The following CDH10 variants were observed in gnomAD, a reference collection of about 807,000 sequenced individuals.
The protein encoded by CDH10 is cadherin 10, also known as cadherin-10.
CDH10 carries 30 observed loss-of-function variants against 73.1 expected under a neutral mutation model. The ratio of observed to expected loss-of-function variants is 0.41; its 90% CI spans 0.31 to 0.56. The LOEUF is 0.56. Ranked by LOEUF, CDH10 falls within the 20% of genes least tolerant of loss-of-function variation. The probability of loss-of-function intolerance (pLI) is 0.27; values close to 1 mark genes in which losing one functional copy is unlikely to be tolerated. For synonymous variants in CDH10, 345 were observed against 348.2 expected (o/e 0.99, Z 0.10); for missense variants, 815 against 973.7 (o/e 0.84, Z 2.17).
At chr5:24,557,699 C>G (rs1744817316) in intron 2 of CDH10, among the ~76,000 whole-genome samples, 1 of 151,800 alleles carries the variant, frequency 6.6e-6, no homozygotes, top group Non-Finnish European at 1.5e-5. Flanking sequence ...CAGTAAGCAT[C>G]TGTGTCTAAT....
chr5:24,592,680 A>C (rs1442190220), intron 2 of CDH10, among the ~76,000 whole-genome samples: 2 of 151,778 alleles, frequency 1.3e-5, no homozygotes, highest in Admixed American at 6.6e-5. Context: ...TAGCTAAACT[A>C]TTTTTACTTG....
At chr5:24,604,946 T>G (rs973862640) in intron 1 of CDH10, among the ~76,000 whole-genome samples, 1 of 151,152 alleles carries the variant, frequency 6.6e-6, no homozygotes, top group Non-Finnish European at 1.5e-5. Context: ...AGAAAATAAT[T>G]GAAAATGTGT....
chr5:24,492,404 C>T (rs1416458052), intron 10 of CDH10, among the ~76,000 whole-genome samples: 1 of 152,202 alleles, frequency 6.6e-6, no homozygotes, highest in African/African-American at 2.4e-5. Flanking sequence ...AATCACCTCA[C>T]AGGCTACTTC....
chr5:24,610,666 C>A (rs1054485247), intron 1 of CDH10, among the ~76,000 whole-genome samples: 8 of 152,058 alleles, frequency 5.3e-5, no homozygotes, highest in African/African-American at 1.7e-4. Flanking sequence ...TATTTCCTGG[C>A]AATATTCTCA....
At chr5:24,602,412 A>T (rs947031688) in intron 1 of CDH10, among the ~76,000 whole-genome samples, 1 of 152,138 alleles carries the variant, frequency 6.6e-6, no homozygotes, top group African/African-American at 2.4e-5. Flanking sequence ...TTTAATTGCA[A>T]AATAGTAGGT....
At chr5:24,624,308 T>G (rs10044966) in intron 1 of CDH10, among the ~76,000 whole-genome samples, 1,583 of 152,250 alleles carry the variant, frequency 0.01, 28 homozygotes, top group African/African-American at 0.035. Context: ...TTTTCATCTA[T>G]TTTATATATG....
At chr5:24,569,975 G>A (rs765998949) in intron 2 of CDH10, among the ~76,000 whole-genome samples, 10 of 151,824 alleles carry the variant, frequency 6.6e-5, no homozygotes, top group Non-Finnish European at 1.2e-4. Flanking sequence ...CATATTGGAC[G>A]GGCTGTTCTC....
chr5:24,554,113 G>T lies in CDH10; in HGVS notation c.232-16439C>A, dbSNP rs142395480. The T allele has an allele frequency of 2.2e-3, 4 of 1,800 alleles. 2 individuals carry two copies. The Admixed American group carries it at 0.038, about 17-fold the overall frequency. 0.1% of individuals were successfully genotyped at this position (1,800 alleles called of 1,614,324 possible). ...AGAGAGAGAGAAGGGGAGGTGGGCG[G>T]GGGGGGGAGAGAGAGAGACATTCAA... On this transcript the variant is annotated intron_variant, in intron 2 of 11. Transcript: ENST00000264463.
At chr5:24,623,703 G>T (rs190813620) in intron 1 of CDH10, among the ~76,000 whole-genome samples, 2 of 152,290 alleles carry the variant, frequency 1.3e-5, no homozygotes, top group Admixed American at 1.3e-4. Context: ...TTACCTTGCA[G>T]AAAAGGAATG....
chr5:24,625,707 T>C (rs904903718), intron 1 of CDH10, among the ~76,000 whole-genome samples: 2 of 151,428 alleles, frequency 1.3e-5, no homozygotes. Context: ...GTGTACAGTT[T>C]AGATTTTGGT....
chr5:24,500,927 AT>A (rs113877927), intron 8 of CDH10, among the ~76,000 whole-genome samples: 37,630 of 151,926 alleles, frequency 0.25, 5,282 homozygotes, highest in African/African-American at 0.38. Flanking sequence ...AGGAGGGAAA[AT>A]AAAAAGGAGA....
intron 1 of CDH10, among the ~76,000 whole-genome samples, chr5:24,597,585 T>C (rs1298463441): frequency 6.6e-6 from 1 of 152,094 alleles, no homozygotes; most frequent in African/African-American, 2.4e-5. Flanking sequence ...GGATAGCAAT[T>C]TTTCTCTTAA....
At chr5:24,546,116 T>C (rs570037582) in intron 2 of CDH10, among the ~76,000 whole-genome samples, 1 of 152,228 alleles carries the variant, frequency 6.6e-6, no homozygotes, top group East Asian at 1.9e-4. Flanking sequence ...ATTTATTTGA[T>C]TTTTGAGACA....
intron 2 of CDH10, among the ~76,000 whole-genome samples, chr5:24,538,321 A>G (rs898120189): frequency 1.3e-5 from 2 of 152,164 alleles, no homozygotes; most frequent in Non-Finnish European, 2.9e-5. Context: ...ACTATAAAAT[A>G]AAATATGTTC....
At position 24,593,302 on chromosome 5, in the gene CDH10, T is replaced by C. The variant is rs759380232; in HGVS notation, c.189A>G (p.Leu63=). 40 of 1,611,918 alleles carry C rather than the reference T, an allele frequency of 2.5e-5. No homozygotes were observed. In the Middle Eastern group the frequency reaches 2.3e-3, roughly 93 times the overall value. Residue 63 remains leucine (L), a synonymous_variant, in exon 2 of 12, where the codon TTA becomes TTG. Coordinates refer to ENST00000264463, the MANE Select transcript of CDH10 (RefSeq NM_006727.5). ...AATCAGATCCTGTATATTCTTCAAG[T>C]AAGAAAAATTGATTCCACATCCAAC... ...KRGWMWNQFF[L]LEEYTGSDYQ... is the part of the protein sequence containing the mutation.
chr5:24,498,512 G>T lies in CDH10; in HGVS notation c.1401C>A (p.Pro467=). 1 of 1,600,084 alleles carries T rather than the reference G, an allele frequency of 6.2e-7. No homozygotes were observed. The highest frequency in any genetic ancestry group is 1.3e-5 in the African/African-American group (1 of 74,502). The change falls in exon 9 of 12, where the codon CCC becomes CCA. Residue 467 remains proline (P), a synonymous_variant. Transcript: ENST00000264463. ...LTVIAAEINN[P]KETTRVAVFV... ...AAACAGCCACGCGTGTTGTCTCTTT[G>T]GGATTGTCTGGAAAAGGGGAAGAAA...
intron 5 of CDH10, among the ~76,000 whole-genome samples, chr5:24,519,451 A>G (rs1743230931): frequency 6.6e-6 from 1 of 152,168 alleles, no homozygotes; most frequent in African/African-American, 2.4e-5. Flanking sequence ...AATAAAGAGA[A>G]GAAGATAGTT....
At chr5:24,626,523 A>G in intron 1 of CDH10, among the ~76,000 whole-genome samples, 1 of 152,132 alleles carries the variant, frequency 6.6e-6, no homozygotes, top group East Asian at 1.9e-4. Context: ...ATCACATGAA[A>G]GTTTTCCAAA....
Position 24,628,958 on chromosome 5 carries a change from G to A in CDH10, c.-124+15636C>T, listed in dbSNP as rs146470083. Among the ~76,000 whole-genome samples the A allele has an allele frequency of 6.8e-4, 102 of 150,824 alleles. 2 individuals carry two copies. The East Asian group carries it at 0.016, about 24-fold the overall frequency. On this transcript the variant is annotated intron_variant, in intron 1 of 11. Coordinates refer to ENST00000264463, the MANE Select transcript of CDH10 (RefSeq NM_006727.5). The stretch of plus-strand genomic sequence containing the variant: ...TACTGATGATCCTAGTACTTTATTC[G>A]TTTCTTATAGTGCTTAATTATATGC...
Sources: gnomAD v4.1 joint callset for allele counts (sites outside exome capture counted in the v4.1 genomes callset) on GRCh38, gnomAD v4.1.1 for gene constraint, MANE v1.5 for transcripts, NCBI Gene and HGNC (gene_info 2026-07-23, HGNC 2026-07-21) for gene names.